The following NLRP1 variants were observed in gnomAD, a reference collection of about 807,000 sequenced individuals.
NLRP1 encodes the protein NLR family pyrin domain containing 1, also known as NACHT, LRR and PYD domains-containing protein 1.
A neutral mutation model predicts 136.7 loss-of-function variants in NLRP1; 94 were observed. That is an observed-to-expected ratio of 0.69 (90% CI 0.58 to 0.82). The LOEUF (loss-of-function observed/expected upper bound fraction) is 0.82, where lower values mean the gene tolerates loss of function less well. Among genes scored for constraint, NLRP1 ranks in the 40% least tolerant of loss-of-function variants. The pLI, the probability that NLRP1 is intolerant of heterozygous loss-of-function variation, is 0.00. For missense variants in NLRP1, 1,575 were observed against 1,802.7 expected (o/e 0.87, Z 2.29); for synonymous variants, 690 against 725.1 (o/e 0.95, Z 0.78).
intron 3 of NLRP1, among the ~76,000 whole-genome samples, chr17:5,563,407 G>A (rs1390430550): frequency 7.9e-5 from 12 of 152,206 alleles, no homozygotes; most frequent in East Asian, 5.8e-4. Flanking sequence ...GCTGAAAGAC[G>A]AAATGGTCAT....
intron 3 of NLRP1, among the ~76,000 whole-genome samples, chr17:5,577,892 G>A (rs541549801): frequency 1.3e-5 from 2 of 152,290 alleles, no homozygotes; most frequent in East Asian, 1.9e-4. Flanking sequence ...AAACAGCATG[G>A]TACTGGTACC....
At chr17:5,525,803 T>C (rs1018160895) in intron 12 of NLRP1, among the ~76,000 whole-genome samples, 3 of 152,198 alleles carry the variant, frequency 2.0e-5, no homozygotes, top group Non-Finnish European at 1.5e-5. Flanking sequence ...GCAGATTGAC[T>C]GGGTTTGTGT....
At chr17:5,539,784 A>G in intron 6 of NLRP1, 199 bp from the exon 7 acceptor site, 2 of 462,972 alleles carry the variant, frequency 4.3e-6, no homozygotes, top group Non-Finnish European at 5.7e-6. Context: ...ACCCCTCAGG[A>G]TGCCAGCACC....
chr17:5,574,566 G>C (rs568288191), intron 3 of NLRP1, among the ~76,000 whole-genome samples: 1 of 152,106 alleles, frequency 6.6e-6, no homozygotes, highest in African/African-American at 2.4e-5. Context: ...AGAAAGGTCG[G>C]GTTACCCACA....
Position 5,521,029 on chromosome 17 carries a change from A to T in NLRP1, c.3784-17T>A. On this transcript the variant is annotated splice_polypyrimidine_tract_variant and intron_variant, in intron 13 of 16. Transcript: ENST00000572272. ...ATCTATGGCCTACAGAACATAGGGA[A>T]CAATGATTAAGGGAGGCTTCTGCCC... The T allele has an allele frequency of 6.3e-7, 1 of 1,586,304 alleles. No individual in the cohort carries two copies. The highest frequency in any genetic ancestry group is 8.6e-7 in the Non-Finnish European group (1 of 1,164,784).
intron 4 of NLRP1, 80 bp from the exon 5 acceptor site, chr17:5,553,636 T>A: frequency 1.5e-6 from 2 of 1,356,638 alleles, no homozygotes; most frequent in Non-Finnish European, 2.1e-6. Flanking sequence ...ACAACACAGT[T>A]GGGCTTTGTC....
At position 5,515,557 on chromosome 17, in the gene NLRP1, C is replaced by A. The variant is rs144840154; in HGVS notation, c.4058-40G>T. 95 of 1,519,386 alleles carry A rather than the reference C, an allele frequency of 6.3e-5. No individual in the cohort carries two copies. The East Asian group carries it at 1.9e-3, about 31-fold the overall frequency. 94.1% of individuals were successfully genotyped at this position (1,519,386 alleles called of 1,614,324 possible). The stretch of plus-strand genomic sequence containing the variant: ...AGATGAAGATGCATCTGAAACAGTG[C>A]TAAGTTATTAACACACATGGTACAC... On this transcript the variant is annotated intron_variant, in intron 15 of 16. Coordinates refer to ENST00000572272, the MANE Select transcript of NLRP1 (RefSeq NM_033004.4).
chr17:5,539,732 C>A (rs1278654773), intron 6 of NLRP1, 147 bp from the exon 7 acceptor site: 1 of 1,370,954 alleles, frequency 7.3e-7, no homozygotes, highest in Non-Finnish European at 9.5e-7. Context: ...TCCTGGCTTG[C>A]GGTAACCTGA....
At chr17:5,502,606 A>C (rs28403893) in intron 15 of NLRP1, 42,810 of 152,730 alleles carry the variant, frequency 0.28, 6,456 homozygotes, top group African/African-American at 0.4. Context: ...GAAGTATATG[A>C]AGGGTGAAAT....
chr17:5,515,445 C>T, intron 16 of NLRP1, 28 bp downstream of exon 16: 1 of 1,594,788 alleles, frequency 6.3e-7, no homozygotes, highest in Non-Finnish European at 8.6e-7. Flanking sequence ...GCCACCGCCT[C>T]CTGTGGTCTC....
intron 12 of NLRP1, among the ~76,000 whole-genome samples, chr17:5,523,599 G>A (rs993732305): frequency 6.6e-6 from 1 of 152,192 alleles, no homozygotes; most frequent in Non-Finnish European, 1.5e-5. Context: ...CCAGCGCCAG[G>A]CAAGGACATT....
chr17:5,561,099 C>G (rs1914686640), intron 3 of NLRP1, among the ~76,000 whole-genome samples: 1 of 152,234 alleles, frequency 6.6e-6, no homozygotes, highest in African/African-American at 2.4e-5. Flanking sequence ...TCTTGTCACC[C>G]AGGCTGGAGT....
At position 5,520,991 on chromosome 17, in the gene NLRP1, T is replaced by A; in HGVS notation, c.3805A>T (p.Lys1269Ter). 6.2e-7 allele frequency: 1 copy of A among 1,611,060 alleles called. No homozygotes were observed. The highest frequency in any genetic ancestry group is 1.7e-4 in the Middle Eastern group (1 of 6,042). Residue 1269 changes from lysine (K) to a stop codon, truncating the protein, a stop_gained, in exon 14 of 17, where the codon AAA (lysine) becomes TAA (stop). Coordinates refer to ENST00000572272, the MANE Select transcript of NLRP1 (RefSeq NM_033004.4). LOFTEE classifies it high-confidence loss of function. ...IRKAIDDLEMKFQFVRIHKPP... is the reference protein window; with the variant it reads ...IRKAIDDLEM Reference sequence around the variant, plus strand: ...TTGTGGATTCGCACAAACTGGAATTTCATTTCTAGATCATCTATGGCCTAC... The same window carrying A: ...TTGTGGATTCGCACAAACTGGAATTACATTTCTAGATCATCTATGGCCTAC...
chr17:5,560,183 G>A (rs894900574), intron 3 of NLRP1, 140 bp from the exon 4 acceptor site: 26 of 763,710 alleles, frequency 3.4e-5, no homozygotes, highest in South Asian at 1.4e-4. Flanking sequence ...GCCATGCGGC[G>A]GAAGGACATG....
At position 5,515,462 on chromosome 17, in the gene NLRP1, C is replaced by T; in HGVS notation, c.4102+11G>A. The T allele has an allele frequency of 3.1e-6, 5 of 1,610,020 alleles. No individual in the cohort carries two copies. The highest frequency in any genetic ancestry group is 4.3e-6 in the Non-Finnish European group (5 of 1,176,388). On this transcript the variant is annotated intron_variant, in intron 16 of 16. Transcript: ENST00000572272. ...CACCGCCTCCTGTGGTCTCTGAGAG[C>T]TGTTACTGACCTATGCGGGCTGGAG... is the stretch of plus-strand genomic sequence containing the variant.
intron 3 of NLRP1, among the ~76,000 whole-genome samples, chr17:5,569,206 A>G (rs568355718): frequency 1.2e-4 from 19 of 152,302 alleles, no homozygotes; most frequent in Non-Finnish European, 2.2e-4. Context: ...CTATCAAGCA[A>G]CTACAAAATC....
At chr17:5,512,978 A>G (rs1246748529), downstream of NLRP1, among the ~76,000 whole-genome samples, 1 of 152,194 alleles carries the variant, frequency 6.6e-6, no homozygotes, top group Non-Finnish European at 1.5e-5. Flanking sequence ...AGATCTGCAT[A>G]CAGTAAAATT....
intron 3 of NLRP1, among the ~76,000 whole-genome samples, chr17:5,574,819 G>A (rs1327088213): frequency 2.0e-5 from 3 of 151,754 alleles, no homozygotes; most frequent in South Asian, 2.1e-4. Flanking sequence ...CCGCCATCAC[G>A]CCCGGCTAAT....
Position 5,553,392 on chromosome 17 carries a change from G to T in NLRP1, c.2522C>A (p.Thr841Asn). 1 of 1,612,276 alleles carries T rather than the reference G, an allele frequency of 6.2e-7. No individual in the cohort carries two copies. The highest frequency in any genetic ancestry group is 8.5e-7 in the Non-Finnish European group (1 of 1,179,004). ...TLRRPRCLLE[T>N]LRLAGCGLTA... ...GAACCCAGGCCAGACTCACCGCAGG[G>T]TCTCCAGGAGGCAGCGAGGGCGTCT... Residue 841 changes from threonine to asparagine, a missense_variant, in exon 5 of 17, where the codon ACC becomes AAC. Coordinates refer to ENST00000572272, the MANE Select transcript of NLRP1 (RefSeq NM_033004.4).
Sources: allele counts gnomAD v4.1 joint callset (sites outside exome capture counted in the v4.1 genomes callset), GRCh38; gene constraint gnomAD v4.1.1; transcripts MANE v1.5; gene names NCBI Gene and HGNC (gene_info 2026-07-23, HGNC 2026-07-21).